Variants in CYRIB observed in about 807,000 individuals in gnomAD.
CYRIB encodes the protein CYFIP-related Rac1 interactor B.
CYRIB carries 8 observed loss-of-function variants against 44.2 expected under a neutral mutation model. The ratio of observed to expected loss-of-function variants is 0.18; its 90% CI spans 0.11 to 0.33. The LOEUF (loss-of-function observed/expected upper bound fraction) is 0.33. Ranked by LOEUF, CYRIB falls within the 10% of genes least tolerant of loss-of-function variation. The pLI, the probability that CYRIB is intolerant of heterozygous loss-of-function variation, is 1.00. For synonymous variants in CYRIB, 131 were observed against 127.2 expected (o/e 1.03, Z -0.20); for missense variants, 185 against 382.8 (o/e 0.48, Z 4.31).
chr8:129,938,777 G>C (rs1309581100), intron 1 of CYRIB, among the ~76,000 whole-genome samples: 4 of 152,076 alleles, frequency 2.6e-5, no homozygotes, highest in Admixed American at 2.6e-4. Context: ...TTTACACTCA[G>C]AGGAAATTAA....
rs34764499 is a variant in CYRIB, at chr8:129,883,112, C to CAAAAAA, written c.-10-3647_-10-3642dup. On this transcript the variant is annotated intron_variant, in intron 2 of 11. Transcript: ENST00000519824. The stretch of plus-strand genomic sequence containing the variant: ...TAGGCAACAGAGCTAGACTCCCTCT[C>CAAAAAA]AAAAAAAAAAAAAAAAAAAAAAAAA... Among the ~76,000 whole-genome samples the CAAAAAA allele has an allele frequency of 1.3e-3, 55 of 41,248 alleles. 2 individuals carry two copies. Among genetic ancestry groups the CAAAAAA allele is most frequent in the African/African-American group, 4.6e-3 (48 of 10,346 alleles). The allele number at this position is 41,248 out of a possible 152,430, so 27.1% of individuals were successfully genotyped here. A position where few individuals can be genotyped will look rare whatever the true frequency, so the allele number is the denominator to read the frequency against.
intron 4 of CYRIB, among the ~76,000 whole-genome samples, chr8:129,864,270 T>A (rs1202441790): frequency 6.6e-6 from 1 of 152,278 alleles, no homozygotes; most frequent in Non-Finnish European, 1.5e-5. Flanking sequence ...TTACAACATG[T>A]AACAATCCTT....
chr8:129,934,845 C>T (rs2092493728), intron 1 of CYRIB, among the ~76,000 whole-genome samples: 2 of 152,162 alleles, frequency 1.3e-5, no homozygotes, highest in African/African-American at 4.8e-5. Context: ...AGTAAATTTA[C>T]TGAGGGTCTG....
intron 2 of CYRIB, among the ~76,000 whole-genome samples, chr8:129,893,895 G>T (rs1296815789): frequency 4.0e-5 from 6 of 150,746 alleles, no homozygotes; most frequent in Non-Finnish European, 7.4e-5. Flanking sequence ...TACTCCAAAG[G>T]TATATATTCA....
upstream of CYRIB, among the ~76,000 whole-genome samples, chr8:129,941,318 G>A (rs774466708): frequency 7.3e-6 from 1 of 137,020 alleles, no homozygotes; most frequent in Non-Finnish European, 1.5e-5. Flanking sequence ...CTGTCACCCA[G>A]GCTGGAGTAC....
chr8:129,930,160 G>A (rs1238346494), intron 1 of CYRIB, among the ~76,000 whole-genome samples: 1 of 150,916 alleles, frequency 6.6e-6, no homozygotes, highest in South Asian at 2.1e-4. Context: ...GCAGTGAGCC[G>A]AGATCGCACC....
chr8:129,892,334 A>G (rs1180903560), intron 2 of CYRIB, among the ~76,000 whole-genome samples: 2 of 152,226 alleles, frequency 1.3e-5, no homozygotes, highest in Admixed American at 6.5e-5. Flanking sequence ...ATCATTAGAC[A>G]AATATAGTAT....
chr8:129,951,342 A>G (rs2094492054), intron 2 of CYRIB, among the ~76,000 whole-genome samples: 2 of 151,736 alleles, frequency 1.3e-5, no homozygotes, highest in African/African-American at 4.8e-5. Flanking sequence ...ATAAAGTTAT[A>G]TAGTCCTAAG....
chr8:129,966,104 T>A (rs533982657), intron 2 of CYRIB, among the ~76,000 whole-genome samples: 1 of 152,288 alleles, frequency 6.6e-6, no homozygotes, highest in Non-Finnish European at 1.5e-5. Flanking sequence ...GTGATCTGCC[T>A]ACCTCGGCTT....
At chr8:129,936,706 T>C (rs1398128025) in intron 1 of CYRIB, among the ~76,000 whole-genome samples, 1 of 61,026 alleles carries the variant, frequency 1.6e-5, no homozygotes, top group African/African-American at 9.0e-5. Context: ...ATAGCAGTCT[T>C]TTTTTTTTTT....
intron 2 of CYRIB, among the ~76,000 whole-genome samples, chr8:129,954,326 G>A (rs951467665): frequency 3.3e-5 from 5 of 151,996 alleles, no homozygotes; most frequent in African/African-American, 9.7e-5. Flanking sequence ...AGGTTCAAGC[G>A]ATTCTCCTGC....
intron 2 of CYRIB, among the ~76,000 whole-genome samples, chr8:129,957,993 C>CA (rs1464521898): frequency 1.4e-5 from 2 of 148,134 alleles, no homozygotes; most frequent in Non-Finnish European, 3.0e-5. Flanking sequence ...ACAAAAAATA[C>CA]AAAAAATTAG....
intron 1 of CYRIB, among the ~76,000 whole-genome samples, 198 bp from the exon 3 acceptor site, chr8:129,904,783 A>T (rs1305864370): frequency 2.0e-5 from 3 of 152,168 alleles, no homozygotes; most frequent in Non-Finnish European, 4.4e-5. Flanking sequence ...ATCTCCTACT[A>T]ACTCAAGGCA....
intron 1 of CYRIB, among the ~76,000 whole-genome samples, chr8:129,934,141 G>A (rs2092342559): frequency 6.6e-6 from 1 of 152,154 alleles, no homozygotes; most frequent in South Asian, 2.1e-4. Context: ...GGTTTTGAAC[G>A]CTTTACCTCC....
intron 1 of CYRIB, among the ~76,000 whole-genome samples, chr8:130,006,162 G>C (rs2097057055): frequency 6.6e-6 from 1 of 151,776 alleles, no homozygotes. Context: ...AATTAGCCGG[G>C]CATGGTGGTC....
At chr8:129,862,194 C>T (rs767042004) in intron 5 of CYRIB, 35 bp downstream of exon 7, 3 of 1,407,744 alleles carry the variant, frequency 2.1e-6, no homozygotes, top group Non-Finnish European at 3.0e-6. Flanking sequence ...ATCTTTTTCA[C>T]TAGGGAAGTC....
In CYRIB at chr8:129,887,854, C is replaced by T. The variant is rs151126983; in HGVS notation, c.-10-8383G>A. ...GGGGAGTATTTAAACAATGCCTGTACCCTCATTGTATCTTGGAAGTAACTA... is the reference window on the plus strand; with the variant it reads ...GGGGAGTATTTAAACAATGCCTGTATCCTCATTGTATCTTGGAAGTAACTA... On this transcript the variant is annotated intron_variant, in intron 2 of 11. Coordinates refer to ENST00000519824, the Ensembl canonical transcript of CYRIB. Among the ~76,000 whole-genome samples, 117 of 152,296 alleles carry T rather than the reference C, an allele frequency of 7.7e-4. 2 individuals carry two copies. The East Asian group carries it at 0.022, about 29-fold the overall frequency.
intron 3 of CYRIB, among the ~76,000 whole-genome samples, chr8:129,871,977 G>T (rs1413886806): frequency 6.6e-6 from 1 of 151,884 alleles, no homozygotes; most frequent in Non-Finnish European, 1.5e-5. Context: ...ACTGAGTTTT[G>T]ATATAAAAAA....
chr8:129,966,545 C>T (rs1324488302), intron 2 of CYRIB, among the ~76,000 whole-genome samples: 1 of 152,162 alleles, frequency 6.6e-6, no homozygotes, highest in Non-Finnish European at 1.5e-5. Context: ...AAATTCCACA[C>T]CTGGATGCAA....
Sources: allele counts gnomAD v4.1 joint callset (sites outside exome capture counted in the v4.1 genomes callset), GRCh38; gene constraint gnomAD v4.1.1; transcripts MANE v1.5; gene names NCBI Gene and HGNC (gene_info 2026-07-23, HGNC 2026-07-21).